Variants in ELP3 observed in about 807,000 individuals in gnomAD.
The protein encoded by ELP3 is elongator complex protein 3.
In ELP3, 56 loss-of-function variants were observed where a neutral mutation model predicts 74.9. That is an observed-to-expected ratio of 0.75 (90% CI 0.60 to 0.93). The LOEUF is 0.93. ELP3 is among the 40% of genes least tolerant of loss of function. The pLI, the probability that ELP3 is intolerant of heterozygous loss-of-function variation, is 0.00. For synonymous variants in ELP3, 222 were observed against 239.8 expected (o/e 0.93, Z 0.68); for missense variants, 573 against 686.5 (o/e 0.83, Z 1.85).
chr8:28,125,097 TAAG>T (rs1812519944), intron 7 of ELP3, among the ~76,000 whole-genome samples: 2 of 152,278 alleles, frequency 1.3e-5, no homozygotes, highest in South Asian at 4.1e-4. Flanking sequence ...GGGTAATAGT[TAAG>T]AAGAGGAATT....
intron 14 of ELP3, among the ~76,000 whole-genome samples, chr8:28,185,172 G>A (rs1300473258): frequency 1.3e-5 from 2 of 152,186 alleles, no homozygotes; most frequent in Non-Finnish European, 2.9e-5. Flanking sequence ...ATTTCTGAAA[G>A]ATTTGGGGCA....
At chr8:28,169,877 T>C (rs1814451132) in intron 14 of ELP3, among the ~76,000 whole-genome samples, 1 of 152,162 alleles carries the variant, frequency 6.6e-6, no homozygotes, top group African/African-American at 2.4e-5. Context: ...GCTGTTGGTC[T>C]TGGGGCTGTG....
chr8:28,110,810 A>C (rs1397448765), intron 6 of ELP3: 1 of 202,836 alleles, frequency 4.9e-6, no homozygotes, highest in East Asian at 1.6e-4. Flanking sequence ...GGCCATGCGC[A>C]ATGGCTCATG....
chr8:28,169,969 CAGAG>C (rs972321242), intron 14 of ELP3, among the ~76,000 whole-genome samples: 1 of 152,018 alleles, frequency 6.6e-6, no homozygotes, highest in Non-Finnish European at 1.5e-5. Context: ...TGGGAGTGAT[CAGAG>C]AGAGAGAGCT....
At chr8:28,143,402 A>G (rs1213481302) in intron 10 of ELP3, among the ~76,000 whole-genome samples, 1 of 152,198 alleles carries the variant, frequency 6.6e-6, no homozygotes, top group African/African-American at 2.4e-5. Flanking sequence ...TCTCTGTAAA[A>G]CTACTAAACC....
Position 28,182,227 on chromosome 8 carries a change from T to A in ELP3, c.1568-7422T>A, listed in dbSNP as rs187159783. 7.7e-4 allele frequency among the ~76,000 whole-genome samples: 118 copies of A among 152,278 alleles called. 1 individual carries two copies. The East Asian group carries it at 0.017, about 22-fold the overall frequency. On this transcript the variant is annotated intron_variant, in intron 14 of 14. Coordinates refer to ENST00000256398, the MANE Select transcript of ELP3 (RefSeq NM_018091.6). ...TATCTCCCCACTCTTTCCCCTACAA[T>A]TTCTCTCTAAAATAGAATCACAGCA...
In ELP3 at chr8:28,189,824, GGGGGGCTTCACCCT is replaced by G; in HGVS notation, c.*100_*113del. ...AACAGAGAGGCTGAGCAGAGCAAATGGGGGGCTTCACCCTCATCCCGCAGCTGCAGAGACTGGAA... is the reference window on the plus strand; with the variant it reads ...AACAGAGAGGCTGAGCAGAGCAAATGCATCCCGCAGCTGCAGAGACTGGAA... On this transcript the variant is annotated 3_prime_UTR_variant, in exon 15 of 15. Coordinates refer to ENST00000256398, the MANE Select transcript of ELP3 (RefSeq NM_018091.6). The G allele has an allele frequency of 7.6e-7, 1 of 1,308,616 alleles. No homozygotes were observed. Among genetic ancestry groups the G allele is most frequent in the Non-Finnish European group, 1.1e-6 (1 of 917,934 alleles). 81.1% of individuals were successfully genotyped at this position (1,308,616 alleles called of 1,614,324 possible).
At position 28,160,251 on chromosome 8, in the gene ELP3, A is replaced by G; in HGVS notation, c.1280A>G (p.Tyr427Cys). ...TAGGTTGAATTGGTAAGGAGAGATT[A>G]TGTTGCAAATGGTGGCTGGGAAACA... ...PYQVELVRRDYVANGGWETFL... is the reference protein window; with the variant it reads ...PYQVELVRRDCVANGGWETFL... Residue 427 changes from tyrosine (Y) to cysteine (C), a missense_variant, in exon 13 of 15, where the codon TAT (tyrosine) becomes TGT (cysteine). Physicochemically the swap from Tyr to Cys is radical, Grantham distance 194 (BLOSUM62 -2). Transcript: ENST00000256398. 6.2e-7 allele frequency: 1 copy of G among 1,614,120 alleles called. No individual in the cohort carries two copies. Among genetic ancestry groups the G allele is most frequent in the African/African-American group, 1.3e-5 (1 of 75,056 alleles).
At chr8:28,097,913 G>T (rs1056622867) in intron 2 of ELP3, among the ~76,000 whole-genome samples, 1 of 152,272 alleles carries the variant, frequency 6.6e-6, no homozygotes, top group Non-Finnish European at 1.5e-5. Context: ...TTTGTCCAGG[G>T]GTAAGTAACT....
At chr8:28,151,954 C>G (rs1230391541) in intron 10 of ELP3, among the ~76,000 whole-genome samples, 1 of 152,230 alleles carries the variant, frequency 6.6e-6, no homozygotes, top group Non-Finnish European at 1.5e-5. Context: ...GTGTTTAACT[C>G]TCAGACTTGT....
chr8:28,166,056 A>G (rs532590844), intron 14 of ELP3, among the ~76,000 whole-genome samples: 1 of 152,308 alleles, frequency 6.6e-6, no homozygotes, highest in African/African-American at 2.4e-5. Flanking sequence ...TCAACTCTAA[A>G]TGTGAAAATT....
chr8:28,111,353 T>C (rs931602059), intron 6 of ELP3, among the ~76,000 whole-genome samples: 1 of 152,236 alleles, frequency 6.6e-6, no homozygotes, highest in Non-Finnish European at 1.5e-5. Context: ...AGATTTCCTT[T>C]ATTTACAAGT....
chr8:28,159,824 A>G (rs1314433078), intron 12 of ELP3, among the ~76,000 whole-genome samples: 2 of 152,182 alleles, frequency 1.3e-5, no homozygotes, highest in Non-Finnish European at 2.9e-5. Context: ...GGACTAGAAG[A>G]TGAAACCCAA....
rs201524180 is a variant in ELP3, at chr8:28,110,480, A to T, written c.462+42A>T. 2.1e-4 allele frequency: 316 copies of T among 1,472,554 alleles called. 2 individuals carry two copies. In the African/African-American group the frequency reaches 4.3e-3, roughly 20 times the overall value. 91.2% of individuals were successfully genotyped at this position (1,472,554 alleles called of 1,614,324 possible). A position where few individuals can be genotyped will look rare whatever the true frequency, so the allele number is the denominator to read the frequency against. ...CATGTTTCTTAAAAATTAGGTGTTT[A>T]TACTTAGTAAGAAGCCATTGTTGCT... is the stretch of plus-strand genomic sequence containing the variant. On this transcript the variant is annotated intron_variant, in intron 6 of 14. Coordinates refer to ENST00000256398, the MANE Select transcript of ELP3 (RefSeq NM_018091.6).
intron 10 of ELP3, among the ~76,000 whole-genome samples, chr8:28,152,853 T>C (rs1005892932): frequency 2.0e-5 from 3 of 152,192 alleles, no homozygotes; most frequent in Admixed American, 6.5e-5. Flanking sequence ...TACTTCTGTG[T>C]TTTATTCTAA....
chr8:28,174,085 G>A (rs370687331), intron 14 of ELP3, among the ~76,000 whole-genome samples: 3 of 151,966 alleles, frequency 2.0e-5, no homozygotes, highest in East Asian at 3.8e-4. Flanking sequence ...GTGGTAGCAT[G>A]TTCTATATAT....
At chr8:28,141,610 A>G (rs1478630780) in intron 10 of ELP3, among the ~76,000 whole-genome samples, 2 of 152,214 alleles carry the variant, frequency 1.3e-5, no homozygotes, top group Non-Finnish European at 2.9e-5. Flanking sequence ...CTCGTAGGAA[A>G]TATTTAAAGT....
chr8:28,159,509 A>G (rs1387625078), intron 12 of ELP3, among the ~76,000 whole-genome samples: 1 of 152,120 alleles, frequency 6.6e-6, no homozygotes, highest in Non-Finnish European at 1.5e-5. Flanking sequence ...GCGTGTGGCC[A>G]TGTCCATATG....
intron 3 of ELP3, among the ~76,000 whole-genome samples, chr8:28,100,957 A>G (rs904306612): frequency 6.6e-6 from 1 of 152,170 alleles, no homozygotes; most frequent in African/African-American, 2.4e-5. Context: ...TTGGGATATT[A>G]TATTCCAGGC....
Sources: gnomAD v4.1 joint callset for allele counts (sites outside exome capture counted in the v4.1 genomes callset) on GRCh38, gnomAD v4.1.1 for gene constraint, MANE v1.5 for transcripts, NCBI Gene and HGNC (gene_info 2026-07-23, HGNC 2026-07-21) for gene names.